The following PLPPR1 variants were observed in gnomAD, a reference collection of about 807,000 sequenced individuals.
PLPPR1 encodes phospholipid phosphatase related 1.
In PLPPR1, 10 loss-of-function variants were observed where a neutral mutation model predicts 33.1. The observed-to-expected ratio is 0.30, with a 90% confidence interval of 0.19 to 0.51. The LOEUF (loss-of-function observed/expected upper bound fraction) is 0.51, where lower values mean the gene tolerates loss of function less well. Among genes scored for constraint, PLPPR1 ranks in the 20% least tolerant of loss-of-function variants. The pLI is 0.97. For synonymous variants in PLPPR1, 151 were observed against 151.0 expected, an observed-to-expected ratio of 1.00 and a Z score of 0.00; for missense variants, 304 against 408.1, an observed-to-expected ratio of 0.74 and a Z score of 2.20.
chr9:101,288,288 G>A (rs1828429956), intron 4 of PLPPR1, among the ~76,000 whole-genome samples: 1 of 152,148 alleles, frequency 6.6e-6, no homozygotes, highest in African/African-American at 2.4e-5. Flanking sequence ...CACCGTTAAA[G>A]TAGAAATTTG....
chr9:101,119,907 GC>G, intron 1 of PLPPR1, among the ~76,000 whole-genome samples: 1 of 152,302 alleles, frequency 6.6e-6, no homozygotes, highest in South Asian at 2.1e-4. Context: ...AACTGTGGAG[GC>G]TAGTGCCATA....
intron 2 of PLPPR1, among the ~76,000 whole-genome samples, chr9:101,235,305 C>T (rs993075251): frequency 7.2e-5 from 11 of 151,766 alleles, no homozygotes; most frequent in African/African-American, 2.2e-4. Flanking sequence ...GAATAAGTTT[C>T]GAACACAGGG....
chr9:101,140,226 G>GT (rs61459976), intron 1 of PLPPR1, among the ~76,000 whole-genome samples: 72,081 of 151,910 alleles, frequency 0.47, 17,684 homozygotes, highest in Non-Finnish European at 0.54. Context: ...AATAGATTCT[G>GT]TTTTTTCTAG....
intron 7 of PLPPR1, among the ~76,000 whole-genome samples, chr9:101,322,757 T>A (rs11792655): frequency 0.27 from 40,389 of 151,988 alleles, 5,654 homozygotes; most frequent in African/African-American, 0.34. Context: ...TCACAGGAGA[T>A]TGTAATACTT....
In PLPPR1 at chr9:101,101,650, G is replaced by A. The variant is rs146306280; in HGVS notation, c.-46+72548G>A. ...AATGGAATAAAAGGATGAATGAAACGATAAACAAATGTAAAGATCCTTTAG... is the reference window on the plus strand; with the variant it reads ...AATGGAATAAAAGGATGAATGAAACAATAAACAAATGTAAAGATCCTTTAG... On this transcript the variant is annotated intron_variant, in intron 1 of 7. Transcript: ENST00000374874. Among the ~76,000 whole-genome samples, 647 of 152,180 alleles carry A rather than the reference G, an allele frequency of 4.3e-3. 3 individuals are homozygous for A. Among genetic ancestry groups the A allele is most frequent in the Admixed American group, 7.5e-3 (115 of 15,276 alleles).
intron 1 of PLPPR1, among the ~76,000 whole-genome samples, chr9:101,147,370 TAG>T (rs1486222310): frequency 2.6e-5 from 4 of 152,206 alleles, no homozygotes; most frequent in African/African-American, 9.6e-5. Context: ...TTCATAATAT[TAG>T]GGGATATTTT....
chr9:101,321,854 G>A (rs1218175393), intron 7 of PLPPR1, among the ~76,000 whole-genome samples: 1 of 147,956 alleles, frequency 6.8e-6, no homozygotes, highest in Non-Finnish European at 1.5e-5. Context: ...TTTGATTGGT[G>A]ACCTTGGGCA....
chr9:101,053,750 A>T (rs1830250360), intron 1 of PLPPR1, among the ~76,000 whole-genome samples: 1 of 152,216 alleles, frequency 6.6e-6, no homozygotes, highest in South Asian at 2.1e-4. Flanking sequence ...GGAAAGATGC[A>T]TCTTGAAGGA....
intron 1 of PLPPR1, among the ~76,000 whole-genome samples, chr9:101,174,624 C>A (rs896949260): frequency 1.3e-5 from 2 of 152,170 alleles, no homozygotes; most frequent in African/African-American, 4.8e-5. Flanking sequence ...CATCATCATC[C>A]ATTTTCTGTA....
intron 1 of PLPPR1, among the ~76,000 whole-genome samples, chr9:101,063,275 G>A (rs937411618): frequency 6.6e-6 from 1 of 151,970 alleles, no homozygotes. Context: ...AATGATGGGG[G>A]CTGCCCCATG....
intron 2 of PLPPR1, among the ~76,000 whole-genome samples, chr9:101,200,254 C>T (rs1223824850): frequency 1.3e-5 from 2 of 152,092 alleles, no homozygotes; most frequent in African/African-American, 4.8e-5. Context: ...TGAGAGGGTA[C>T]CAGCAAAATA....
At chr9:101,298,285 C>T (rs1828684960) in intron 4 of PLPPR1, among the ~76,000 whole-genome samples, 1 of 152,124 alleles carries the variant, frequency 6.6e-6, no homozygotes, top group Admixed American at 6.6e-5. Flanking sequence ...TAATTAAATA[C>T]CAGCCAAGTC....
intron 1 of PLPPR1, among the ~76,000 whole-genome samples, chr9:101,109,661 G>C (rs1385002295): frequency 6.6e-6 from 1 of 152,098 alleles, no homozygotes; most frequent in Non-Finnish European, 1.5e-5. Context: ...ACTTAATGTT[G>C]ATTTTTTTAG....
At chr9:101,133,825 T>G (rs2118618034) in intron 1 of PLPPR1, among the ~76,000 whole-genome samples, 1 of 152,274 alleles carries the variant, frequency 6.6e-6, no homozygotes, top group South Asian at 2.1e-4. Context: ...AATAGTATGG[T>G]GGTTATAAGC....
At chr9:101,246,914 C>T (rs1827620869) in intron 2 of PLPPR1, among the ~76,000 whole-genome samples, 1 of 151,962 alleles carries the variant, frequency 6.6e-6, no homozygotes, top group Non-Finnish European at 1.5e-5. Flanking sequence ...TCACATCCTT[C>T]CACCTAGCTA....
At chr9:101,151,220 T>C (rs752887685) in intron 1 of PLPPR1, among the ~76,000 whole-genome samples, 3 of 152,132 alleles carry the variant, frequency 2.0e-5, no homozygotes, top group Non-Finnish European at 2.9e-5. Flanking sequence ...GTTGCCCTTA[T>C]GAGTTGGCTG....
At chr9:101,270,159 A>G in intron 3 of PLPPR1, 91 bp downstream of exon 3, 1 of 1,364,830 alleles carries the variant, frequency 7.3e-7, no homozygotes, top group Middle Eastern at 2.2e-4. Flanking sequence ...CTTCCTGAGC[A>G]TTCACCAGCA....
At chr9:101,040,621 C>A (rs1254489895) in intron 1 of PLPPR1, among the ~76,000 whole-genome samples, 1 of 152,166 alleles carries the variant, frequency 6.6e-6, no homozygotes, top group Admixed American at 6.5e-5. Flanking sequence ...CTCCCTTTCC[C>A]ACCACCACAT....
intron 1 of PLPPR1, among the ~76,000 whole-genome samples, chr9:101,156,549 C>T (rs1427140814): frequency 1.3e-5 from 1 of 74,548 alleles, no homozygotes; most frequent in Non-Finnish European, 2.5e-5. Flanking sequence ...CAAACCCTGT[C>T]TCCAAAAAAA....
Sources: gnomAD v4.1 joint callset for allele counts (sites outside exome capture counted in the v4.1 genomes callset) on GRCh38, gnomAD v4.1.1 for gene constraint, MANE v1.5 for transcripts, NCBI Gene and HGNC (gene_info 2026-07-23, HGNC 2026-07-21) for gene names.